IGSF21: variants seen among roughly 807,000 people sequenced by gnomAD.
IGSF21 encodes immunoglobulin superfamily member 21.
IGSF21 carries 28 observed loss-of-function variants against 46.8 expected under a neutral mutation model. That is an observed-to-expected ratio of 0.60 (90% CI 0.44 to 0.82). The LOEUF is 0.82. Ranked by LOEUF, IGSF21 falls within the 40% of genes least tolerant of loss-of-function variation. IGSF21 has a pLI of 0.00. For missense variants in IGSF21, 624 were observed against 665.5 expected (o/e 0.94, Z 0.69); for synonymous variants, 284 against 273.6 (o/e 1.04, Z -0.38).
chr1:18,300,086 A>G (rs1489403736), intron 3 of IGSF21, among the ~76,000 whole-genome samples: 1 of 152,200 alleles, frequency 6.6e-6, no homozygotes, highest in Non-Finnish European at 1.5e-5. Flanking sequence ...ATAAAATTAC[A>G]TATCAACTGA....
chr1:18,373,911 A>C (rs1400991916), intron 6 of IGSF21, among the ~76,000 whole-genome samples: 1 of 152,210 alleles, frequency 6.6e-6, no homozygotes, highest in Non-Finnish European at 1.5e-5. Flanking sequence ...GACACCTGAG[A>C]AAAGTTGGTT....
intron 2 of IGSF21, among the ~76,000 whole-genome samples, chr1:18,291,321 C>T (rs962018250): frequency 6.6e-6 from 1 of 152,212 alleles, no homozygotes; most frequent in Non-Finnish European, 1.5e-5. Flanking sequence ...CCACGCTGTC[C>T]CCGTCTGCAT....
intron 1 of IGSF21, among the ~76,000 whole-genome samples, chr1:18,184,826 C>T (rs1482732041): frequency 6.6e-6 from 1 of 152,174 alleles, no homozygotes; most frequent in East Asian, 1.9e-4. Context: ...CATGTCAAAT[C>T]CTCACGATCT....
intron 1 of IGSF21, among the ~76,000 whole-genome samples, chr1:18,196,748 A>G (rs1364180496): frequency 1.3e-5 from 2 of 152,258 alleles, no homozygotes; most frequent in African/African-American, 4.8e-5. Flanking sequence ...CAAGGTCACA[A>G]CCCTAGGCAG....
chr1:18,168,491 G>C (rs570816927), intron 1 of IGSF21, among the ~76,000 whole-genome samples: 1 of 152,212 alleles, frequency 6.6e-6, no homozygotes, highest in Admixed American at 6.5e-5. Context: ...TTAGACAAGG[G>C]GACCTGAGGA....
chr1:18,234,106 C>G (rs1172436845), intron 2 of IGSF21, among the ~76,000 whole-genome samples: 2 of 152,158 alleles, frequency 1.3e-5, no homozygotes. Context: ...CCCTTTGGCC[C>G]TTCTTGCTTG....
chr1:18,132,869 G>T (rs1238094000), intron 1 of IGSF21, among the ~76,000 whole-genome samples: 2 of 149,568 alleles, frequency 1.3e-5, no homozygotes, highest in Non-Finnish European at 3.0e-5. Flanking sequence ...TACTGGGCGG[G>T]GTCTGGCCTG....
rs5772803 is a variant in IGSF21 at position 18,314,285 on chromosome 1, GT to G, written c.306-20594del. Among the ~76,000 whole-genome samples the G allele has an allele frequency of 4.0e-4, 50 of 125,536 alleles. No homozygotes were observed. The South Asian group carries it at 6.7e-3, about 17-fold the overall frequency. 82.4% of individuals were successfully genotyped at this position (125,536 alleles called of 152,430 possible). A position where few individuals can be genotyped will look rare whatever the true frequency, so the allele number is the denominator to read the frequency against. On this transcript the variant is annotated intron_variant, in intron 3 of 9. Transcript: ENST00000251296. ...CCTTCCTCATAAGCATAGCCCAGTG[GT>G]TTTTTTTTTTTTAAACAAAGAAAAT...
intron 4 of IGSF21, among the ~76,000 whole-genome samples, chr1:18,355,046 A>T (rs888063892): frequency 6.6e-6 from 1 of 152,248 alleles, no homozygotes; most frequent in African/African-American, 2.4e-5. Flanking sequence ...GACCACAGGC[A>T]TCAACTGATT....
intron 1 of IGSF21, among the ~76,000 whole-genome samples, chr1:18,176,665 C>T (rs1352269354): frequency 6.6e-6 from 1 of 152,188 alleles, no homozygotes; most frequent in East Asian, 1.9e-4. Flanking sequence ...TGACCTTCTT[C>T]CCACCATGGA....
intron 2 of IGSF21, among the ~76,000 whole-genome samples, chr1:18,249,287 G>T (rs1289009829): frequency 6.6e-6 from 1 of 152,182 alleles, no homozygotes; most frequent in African/African-American, 2.4e-5. Flanking sequence ...CAGGGCAAGG[G>T]CTCCAGGTTG....
intron 1 of IGSF21, among the ~76,000 whole-genome samples, chr1:18,191,807 GT>G (rs1170134965): frequency 6.6e-6 from 1 of 152,198 alleles, no homozygotes; most frequent in East Asian, 1.9e-4. Context: ...GCTCAGATCT[GT>G]TTGCAACCTG....
At chr1:18,121,222 C>A (rs2086231316) in intron 1 of IGSF21, among the ~76,000 whole-genome samples, 1 of 152,132 alleles carries the variant, frequency 6.6e-6, no homozygotes, top group Non-Finnish European at 1.5e-5. Context: ...GCACTTTGGA[C>A]CACTGGATCT....
intron 4 of IGSF21, among the ~76,000 whole-genome samples, chr1:18,342,840 A>G (rs1389733679): frequency 6.6e-6 from 1 of 152,166 alleles, no homozygotes; most frequent in Non-Finnish European, 1.5e-5. Flanking sequence ...TCCTCAGTGG[A>G]TGGAAATCTG....
At chr1:18,188,141 G>A (rs1045143220) in intron 1 of IGSF21, among the ~76,000 whole-genome samples, 1 of 152,122 alleles carries the variant, frequency 6.6e-6, no homozygotes, top group Non-Finnish European at 1.5e-5. Flanking sequence ...CAAAGTTGTG[G>A]CTTGCTAGGA....
intron 4 of IGSF21, among the ~76,000 whole-genome samples, chr1:18,338,375 G>A (rs1021764541): frequency 1.3e-5 from 2 of 152,116 alleles, no homozygotes; most frequent in African/African-American, 2.4e-5. Flanking sequence ...CTCTTCAAAC[G>A]AGCAGAGGTC....
intron 2 of IGSF21, among the ~76,000 whole-genome samples, chr1:18,240,054 G>C (rs999885403): frequency 1.3e-5 from 2 of 152,186 alleles, no homozygotes; most frequent in Admixed American, 1.3e-4. Flanking sequence ...GAGAAGGATA[G>C]ATCGCTTGAC....
chr1:18,208,629 C>A (rs535666149), intron 1 of IGSF21, among the ~76,000 whole-genome samples: 1 of 147,124 alleles, frequency 6.8e-6, no homozygotes, highest in South Asian at 2.2e-4. Flanking sequence ...GATCTCCTGA[C>A]CTCGTTATCC....
chr1:18,197,454 C>A (rs1365930966), intron 1 of IGSF21, among the ~76,000 whole-genome samples: 1 of 152,234 alleles, frequency 6.6e-6, no homozygotes, highest in Non-Finnish European at 1.5e-5. Context: ...AAATCTCGCT[C>A]CATAATTATC....
Sources: gnomAD v4.1 joint callset for allele counts (sites outside exome capture counted in the v4.1 genomes callset) on GRCh38, gnomAD v4.1.1 for gene constraint, MANE v1.5 for transcripts, NCBI Gene and HGNC (gene_info 2026-07-23, HGNC 2026-07-21) for gene names.